Variants in GAD2 observed in about 807,000 individuals in gnomAD.
GAD2 encodes 65 kDa glutamic acid decarboxylase.
Under a neutral mutation model 80.1 loss-of-function variants are expected in GAD2, and 22 were observed. The ratio of observed to expected loss-of-function variants is 0.27; its 90% CI spans 0.20 to 0.39. GAD2 has a LOEUF of 0.39. Among genes scored for constraint, GAD2 ranks in the 10% least tolerant of loss-of-function variants. The pLI is 1.00. For missense variants in GAD2, 624 were observed against 738.4 expected, an observed-to-expected ratio of 0.85 and a Z score of 1.80; for synonymous variants, 274 against 256.9, an observed-to-expected ratio of 1.07 and a Z score of -0.64.
At chr10:26,288,122 C>T (rs947210590) in intron 13 of GAD2, among the ~76,000 whole-genome samples, 5 of 152,070 alleles carry the variant, frequency 3.3e-5, no homozygotes, top group Admixed American at 2.6e-4. Flanking sequence ...AGGGAGTTTT[C>T]GAGTGAAGCA....
At chr10:26,218,841 GAGA>G (rs1181813494) in intron 3 of GAD2, among the ~76,000 whole-genome samples, 199 bp from the exon 4 acceptor site, 1 of 152,160 alleles carries the variant, frequency 6.6e-6, no homozygotes, top group Admixed American at 6.5e-5. Context: ...ATTTGGGGAA[GAGA>G]AGAAATCATA....
At chr10:26,261,819 A>ATGT (rs1049287674) in intron 8 of GAD2, among the ~76,000 whole-genome samples, 17 of 151,548 alleles carry the variant, frequency 1.1e-4, no homozygotes, top group African/African-American at 4.1e-4. Context: ...TCTGGAATGG[A>ATGT]TGTTGTCTTT....
In GAD2 at chr10:26,275,933, T is replaced by A. The variant is rs1211556681; in HGVS notation, c.1157+2233T>A. Reference sequence around the variant, plus strand: ...ACTTTGGGAGGCAGAGGTGGAAGGATCATTGAGGCCAGTTCAAGACCCTTC... The same window carrying A: ...ACTTTGGGAGGCAGAGGTGGAAGGAACATTGAGGCCAGTTCAAGACCCTTC... On this transcript the variant is annotated intron_variant, in intron 11 of 15. Coordinates refer to ENST00000376261, the MANE Select transcript of GAD2 (RefSeq NM_001134366.2). Among the ~76,000 whole-genome samples, 3 of 152,030 alleles carry A rather than the reference T, an allele frequency of 2.0e-5. No homozygotes were observed. In the East Asian group the frequency reaches 5.8e-4, roughly 29 times the overall value.
intron 8 of GAD2, among the ~76,000 whole-genome samples, chr10:26,248,547 A>C (rs1370894903): frequency 6.6e-6 from 1 of 152,174 alleles, no homozygotes; most frequent in African/African-American, 2.4e-5. Flanking sequence ...TTCTACAGGG[A>C]ATCAAATATC....
chr10:26,226,929 C>A (rs1844534516), intron 6 of GAD2, among the ~76,000 whole-genome samples: 1 of 152,214 alleles, frequency 6.6e-6, no homozygotes, highest in African/African-American at 2.4e-5. Flanking sequence ...TTGGCTTAGT[C>A]ACCGACCTTT....
chr10:26,230,753 T>C (rs1844591168), intron 7 of GAD2, among the ~76,000 whole-genome samples: 1 of 151,498 alleles, frequency 6.6e-6, no homozygotes, highest in Non-Finnish European at 1.5e-5. Flanking sequence ...CATTTAACAT[T>C]CATCTTTGGC....
At chr10:26,253,751 G>A (rs562169473) in intron 8 of GAD2, among the ~76,000 whole-genome samples, 1 of 152,332 alleles carries the variant, frequency 6.6e-6, no homozygotes. Context: ...GATAGAGAAA[G>A]TACTGGCTGT....
chr10:26,284,277 G>A (rs1391762581), intron 12 of GAD2, among the ~76,000 whole-genome samples: 1 of 152,124 alleles, frequency 6.6e-6, no homozygotes, highest in Non-Finnish European at 1.5e-5. Flanking sequence ...AACAACTTAT[G>A]TTATTTCAGG....
At chr10:26,269,005 C>T (rs1845102860) in intron 8 of GAD2, 114 bp from the exon 9 acceptor site, 6 of 650,234 alleles carry the variant, frequency 9.2e-6, no homozygotes, top group East Asian at 8.4e-5. Context: ...TTGTTTTCTC[C>T]GAGTATTGTT....
chr10:26,218,019 C>A (rs772771237), intron 3 of GAD2, 28 bp downstream of exon 3: 1 of 1,567,862 alleles, frequency 6.4e-7, no homozygotes, highest in Admixed American at 1.9e-5. Flanking sequence ...AGCCCCGGGG[C>A]GCCCCTGCCC....
chr10:26,271,689 G>A (rs1169357448), intron 10 of GAD2, among the ~76,000 whole-genome samples: 1 of 152,160 alleles, frequency 6.6e-6, no homozygotes, highest in Non-Finnish European at 1.5e-5. Context: ...CTAAGCCAGG[G>A]CTATAACAAT....
intron 6 of GAD2, 27 bp from the exon 7 acceptor site, chr10:26,229,635 G>C (rs1404162917): frequency 6.7e-7 from 1 of 1,485,264 alleles, no homozygotes; most frequent in African/African-American, 1.4e-5. Flanking sequence ...AATAAATAAA[G>C]TAACTGCGTG....
chr10:26,244,005 C>T (rs1007463160), intron 7 of GAD2, among the ~76,000 whole-genome samples: 3 of 151,742 alleles, frequency 2.0e-5, no homozygotes, highest in African/African-American at 7.3e-5. Flanking sequence ...TCCAGTTTCC[C>T]TCAAAAATCT....
chr10:26,262,695 T>C (rs184990058), intron 8 of GAD2, among the ~76,000 whole-genome samples: 34 of 152,168 alleles, frequency 2.2e-4, no homozygotes, highest in African/African-American at 7.2e-4. Context: ...TGAGAATGAT[T>C]TAGGATGCTT....
At chr10:26,262,225 G>T (rs1845017458) in intron 8 of GAD2, among the ~76,000 whole-genome samples, 1 of 149,860 alleles carries the variant, frequency 6.7e-6, no homozygotes, top group Non-Finnish European at 1.5e-5. Flanking sequence ...TGAGGTGGGG[G>T]CAGATTTTTG....
intron 3 of GAD2, among the ~76,000 whole-genome samples, chr10:26,218,551 T>TCTCTCTCTCTCACACACACACACACA (rs748110324): frequency 8.4e-6 from 1 of 118,780 alleles, no homozygotes; most frequent in African/African-American, 3.1e-5. Context: ...TCTCTCTCTC[T>TCTCTCTCTCTCACACACACACACACA]CACACACACA....
At chr10:26,253,555 G>A (rs1382397597) in intron 8 of GAD2, among the ~76,000 whole-genome samples, 2 of 152,238 alleles carry the variant, frequency 1.3e-5, no homozygotes, top group African/African-American at 4.8e-5. Context: ...GTCAAGGGAA[G>A]AGGAGAGAAA....
chr10:26,218,551 T>TCTCTCTCTCACACACACACACACACA (rs748110324), intron 3 of GAD2, among the ~76,000 whole-genome samples: 1 of 118,780 alleles, frequency 8.4e-6, no homozygotes, highest in African/African-American at 3.1e-5. Context: ...TCTCTCTCTC[T>TCTCTCTCTCACACACACACACACACA]CACACACACA....
At chr10:26,226,406 C>G (rs1008215672) in intron 6 of GAD2, among the ~76,000 whole-genome samples, 3 of 152,226 alleles carry the variant, frequency 2.0e-5, no homozygotes, top group Non-Finnish European at 4.4e-5. Flanking sequence ...CCTAAAGACC[C>G]ATTTGCTCTT....
Sources: allele counts gnomAD v4.1 joint callset (sites outside exome capture counted in the v4.1 genomes callset), GRCh38; gene constraint gnomAD v4.1.1; transcripts MANE v1.5; gene names NCBI Gene and HGNC (gene_info 2026-07-23, HGNC 2026-07-21).